AGBL4: variants seen among roughly 807,000 people sequenced by gnomAD.
AGBL4 encodes the protein AGBL carboxypeptidase 4, also known as cytosolic carboxypeptidase 6.
In AGBL4, 58 loss-of-function variants were observed where a neutral mutation model predicts 66.4. The ratio of observed to expected loss-of-function variants is 0.87; its 90% CI spans 0.71 to 1.09. The LOEUF (loss-of-function observed/expected upper bound fraction) is 1.09, where lower values mean the gene tolerates loss of function less well. AGBL4 is among the 50% of genes least tolerant of loss of function. AGBL4 has a pLI of 0.00. For synonymous variants in AGBL4, 234 were observed against 222.9 expected (o/e 1.05, Z -0.44); for missense variants, 579 against 631.0 (o/e 0.92, Z 0.88).
intron 6 of AGBL4, 60 bp downstream of exon 6, chr1:48,867,131 A>G: frequency 6.4e-7 from 1 of 1,571,316 alleles, no homozygotes; most frequent in Non-Finnish European, 8.7e-7. Flanking sequence ...TTGGATAGGC[A>G]ACAAGGCATC....
At chr1:49,409,233 C>T (rs942471248) in intron 3 of AGBL4, among the ~76,000 whole-genome samples, 1 of 151,494 alleles carries the variant, frequency 6.6e-6, no homozygotes, top group Non-Finnish European at 1.5e-5. Context: ...TTGCAACCCA[C>T]ATATGTAACT....
At chr1:49,727,874 T>C (rs1457208353) in intron 2 of AGBL4, among the ~76,000 whole-genome samples, 1 of 152,152 alleles carries the variant, frequency 6.6e-6, no homozygotes, top group African/African-American at 2.4e-5. Flanking sequence ...CTTATTATTA[T>C]TATTATACCC....
At chr1:48,581,452 C>T (rs1338326977) in intron 11 of AGBL4, among the ~76,000 whole-genome samples, 5 of 152,170 alleles carry the variant, frequency 3.3e-5, no homozygotes, top group Non-Finnish European at 7.3e-5. Context: ...TTTTCTCATC[C>T]ATTATGTCAA....
At chr1:48,984,082 G>A (rs1431356662) in intron 5 of AGBL4, among the ~76,000 whole-genome samples, 1 of 152,034 alleles carries the variant, frequency 6.6e-6, no homozygotes, top group African/African-American at 2.4e-5. Context: ...ATTTAGGAGA[G>A]AACATACAAG....
intron 4 of AGBL4, among the ~76,000 whole-genome samples, chr1:49,187,860 T>C (rs1647042684): frequency 6.6e-6 from 1 of 152,154 alleles, no homozygotes; most frequent in Admixed American, 6.6e-5. Context: ...CCAAATCTCA[T>C]CTTAAATTGT....
At chr1:49,561,761 T>C (rs1644052155) in intron 3 of AGBL4, among the ~76,000 whole-genome samples, 1 of 152,162 alleles carries the variant, frequency 6.6e-6, no homozygotes, top group Non-Finnish European at 1.5e-5. Context: ...AGCGCCACAA[T>C]AAACATACGT....
chr1:49,224,616 CA>C (rs377573639), intron 4 of AGBL4, among the ~76,000 whole-genome samples: 110 of 74,714 alleles, frequency 1.5e-3, no homozygotes, highest in Middle Eastern at 8.3e-3. Flanking sequence ...GACTCCCTCT[CA>C]AAAAAAAAAA....
intron 6 of AGBL4, among the ~76,000 whole-genome samples, chr1:48,824,685 G>A (rs1203828801): frequency 1.3e-5 from 2 of 152,136 alleles, no homozygotes; most frequent in Non-Finnish European, 2.9e-5. Flanking sequence ...AACAACTAGG[G>A]GTAAAAAGGC....
At chr1:49,217,535 T>C (rs2148269477) in intron 4 of AGBL4, among the ~76,000 whole-genome samples, 1 of 152,280 alleles carries the variant, frequency 6.6e-6, no homozygotes, top group African/African-American at 2.4e-5. Flanking sequence ...TGATCTGTCC[T>C]TCTTATAGCA....
chr1:49,060,179 G>A (rs1468578816), intron 4 of AGBL4, among the ~76,000 whole-genome samples: 2 of 152,170 alleles, frequency 1.3e-5, no homozygotes, highest in Non-Finnish European at 2.9e-5. Flanking sequence ...AAGGGACCCT[G>A]TGGTAGGTAA....
In AGBL4 at chr1:49,658,484, T is replaced by C. The variant is rs534070795; in HGVS notation, c.282+38829A>G. Among the ~76,000 whole-genome samples the C allele has an allele frequency of 2.7e-3, 406 of 152,206 alleles. 3 individuals carry two copies. The highest frequency in any genetic ancestry group is 9.5e-3 in the African/African-American group (394 of 41,536). On this transcript the variant is annotated intron_variant, in intron 3 of 13. Transcript: ENST00000371839. ...AGGGATCTAGAACTAGAAATACCAT[T>C]TGACCCAGCCATCCCATTACTGGGT...
chr1:49,842,762 G>C (rs548815466), intron 2 of AGBL4, among the ~76,000 whole-genome samples: 25 of 152,030 alleles, frequency 1.6e-4, no homozygotes, highest in African/African-American at 5.8e-4. Flanking sequence ...GAGAGATGAG[G>C]GATAGCCTCT....
intron 1 of AGBL4, among the ~76,000 whole-genome samples, chr1:49,933,006 G>A (rs1209828696): frequency 6.6e-6 from 1 of 152,048 alleles, no homozygotes; most frequent in East Asian, 1.9e-4. Flanking sequence ...ATATTTAAAG[G>A]AAGAATAGGG....
intron 4 of AGBL4, among the ~76,000 whole-genome samples, chr1:49,114,870 CA>C (rs1243161401): frequency 5.3e-5 from 8 of 152,022 alleles, no homozygotes; most frequent in Non-Finnish European, 8.8e-5. Flanking sequence ...AAAACAATTA[CA>C]ATAGTAGCAT....
intron 6 of AGBL4, among the ~76,000 whole-genome samples, chr1:48,701,187 C>G (rs1646794758): frequency 6.6e-6 from 1 of 152,094 alleles, no homozygotes; most frequent in Admixed American, 6.5e-5. Context: ...TAAGAGCCAG[C>G]CTTAGTCTTC....
In AGBL4 at chr1:48,580,263, G is replaced by A. The variant is rs147716870; in HGVS notation, c.1267+6741C>T. Among the ~76,000 whole-genome samples, 909 of 152,298 alleles carry A rather than the reference G, an allele frequency of 6.0e-3. 8 individuals are homozygous for A. The highest frequency in any genetic ancestry group is 0.015 in the African/African-American group (614 of 41,566). On this transcript the variant is annotated intron_variant, in intron 11 of 13. Coordinates refer to ENST00000371839, the MANE Select transcript of AGBL4 (RefSeq NM_032785.4). ...GAGCTCAAGCACCAGGAGAGGGTGT[G>A]TCTAAAGAAGTTCGTGAGGGACTGC...
At chr1:48,709,620 G>T (rs1442014320) in intron 6 of AGBL4, among the ~76,000 whole-genome samples, 1 of 24,654 alleles carries the variant, frequency 4.1e-5, no homozygotes. Flanking sequence ...TTATTATTTT[G>T]AGATGGAATC....
At chr1:49,080,044 A>G (rs1644781315) in intron 4 of AGBL4, among the ~76,000 whole-genome samples, 1 of 152,210 alleles carries the variant, frequency 6.6e-6, no homozygotes, top group South Asian at 2.1e-4. Context: ...AGCGTATTTA[A>G]TATTCTTAAC....
chr1:48,689,012 A>G (rs1646579071), intron 6 of AGBL4, among the ~76,000 whole-genome samples: 1 of 151,764 alleles, frequency 6.6e-6, no homozygotes, highest in Non-Finnish European at 1.5e-5. Flanking sequence ...CAGGATCCCC[A>G]TTCAGAAAGA....
Sources: allele counts gnomAD v4.1 joint callset (sites outside exome capture counted in the v4.1 genomes callset), GRCh38; gene constraint gnomAD v4.1.1; transcripts MANE v1.5; gene names NCBI Gene and HGNC (gene_info 2026-07-23, HGNC 2026-07-21).